The following PCLO variants were observed in gnomAD, a reference collection of about 807,000 sequenced individuals.
The protein encoded by PCLO is protein piccolo.
Under a neutral mutation model 427.5 loss-of-function variants are expected in PCLO, and 82 were observed. The ratio of observed to expected loss-of-function variants is 0.19; its 90% CI spans 0.16 to 0.23. The LOEUF (loss-of-function observed/expected upper bound fraction) is 0.23, where lower values mean the gene tolerates loss of function less well. Among genes scored for constraint, PCLO ranks in the 10% least tolerant of loss-of-function variants. PCLO has a pLI of 1.00. For missense variants in PCLO, 6,239 were observed against 6,115.9 expected (o/e 1.02, Z -0.67); for synonymous variants, 2,357 against 2,155.4 (o/e 1.09, Z -2.59).
chr7:82,801,378 T>G (rs918090912), intron 22 of PCLO, 140 bp downstream of exon 22: 2 of 511,816 alleles, frequency 3.9e-6, no homozygotes, highest in African/African-American at 4.0e-5. Flanking sequence ...TCTCATTTAA[T>G]AGATAATGAT....
chr7:82,844,011 T>C (rs1792436298), intron 13 of PCLO, among the ~76,000 whole-genome samples: 1 of 152,046 alleles, frequency 6.6e-6, no homozygotes, highest in African/African-American at 2.4e-5. Flanking sequence ...AGTATAAACA[T>C]ATACAAGTTT....
intron 6 of PCLO, among the ~76,000 whole-genome samples, chr7:82,937,377 C>T (rs183631037): frequency 2.0e-5 from 3 of 150,806 alleles, no homozygotes; most frequent in African/African-American, 7.3e-5. Context: ...TTGTGCCTCA[C>T]TTTGTATAAA....
intron 6 of PCLO, among the ~76,000 whole-genome samples, chr7:82,940,634 C>A (rs1297500165): frequency 6.6e-6 from 1 of 151,258 alleles, no homozygotes; most frequent in Non-Finnish European, 1.5e-5. Context: ...AGTTATTTAT[C>A]ATTCTTCACA....
intron 22 of PCLO, among the ~76,000 whole-genome samples, chr7:82,788,666 C>T (rs1320426566): frequency 2.0e-5 from 3 of 152,060 alleles, no homozygotes; most frequent in South Asian, 2.1e-4. Context: ...TAATTAAAAA[C>T]GTCAAATCCT....
intron 3 of PCLO, among the ~76,000 whole-genome samples, chr7:83,078,534 T>TATG: frequency 6.6e-6 from 1 of 151,580 alleles, no homozygotes; most frequent in Non-Finnish European, 1.5e-5. Flanking sequence ...TTATTATTAC[T>TATG]ATTATTATTA....
chr7:82,838,321 C>G lies in PCLO; in HGVS notation c.14119G>C (p.Gly4707Arg). 1.3e-6 allele frequency: 2 copies of G among 1,511,860 alleles called. No individual in the cohort carries two copies. The highest frequency in any genetic ancestry group is 4.7e-5 in the East Asian group (2 of 42,770). 93.7% of individuals were successfully genotyped at this position (1,511,860 alleles called of 1,614,324 possible). ...TGGAGAATATGTATTATGAGATTTC[C>G]AAGATCATAGTTAATTTGAAGCTTT... Reference protein sequence around the residue: ...EIQLQINYDLGNLIIHILQAR... With the variant: ...EIQLQINYDLRNLIIHILQAR... Residue 4707 changes from glycine to arginine, a missense_variant, in exon 15 of 25, where the codon GGA becomes CGA. Transcript: ENST00000333891.
intron 10 of PCLO, among the ~76,000 whole-genome samples, chr7:82,877,173 C>T (rs1264376841): frequency 6.6e-6 from 1 of 151,972 alleles, no homozygotes; most frequent in Admixed American, 6.6e-5. Context: ...TTAATAAAGG[C>T]CACCTAGACT....
At chr7:82,780,098 T>C (rs528066372) in intron 22 of PCLO, among the ~76,000 whole-genome samples, 11 of 152,190 alleles carry the variant, frequency 7.2e-5, no homozygotes, top group Non-Finnish European at 1.5e-4. Flanking sequence ...CTACATTTGG[T>C]TGGCAGGAAC....
intron 21 of PCLO, among the ~76,000 whole-genome samples, chr7:82,805,095 TA>T (rs1389592245): frequency 1.3e-5 from 2 of 151,812 alleles, no homozygotes; most frequent in Admixed American, 6.6e-5. Flanking sequence ...ACTTTTTTTT[TA>T]TTTTGAGGCT....
chr7:82,818,796 T>C (rs1791729763), intron 20 of PCLO, among the ~76,000 whole-genome samples: 1 of 152,192 alleles, frequency 6.6e-6, no homozygotes. Flanking sequence ...CCTCATCCAC[T>C]TAATGTGATA....
chr7:83,003,143 A>G (rs1787864413), intron 3 of PCLO, among the ~76,000 whole-genome samples: 1 of 151,374 alleles, frequency 6.6e-6, no homozygotes, highest in South Asian at 2.1e-4. Flanking sequence ...CCATTAACAT[A>G]TACATAGATT....
At chr7:83,075,283 C>T (rs1206298596) in intron 3 of PCLO, among the ~76,000 whole-genome samples, 1 of 152,014 alleles carries the variant, frequency 6.6e-6, no homozygotes, top group African/African-American at 2.4e-5. Flanking sequence ...TTATCTATGA[C>T]AACTTTTAAC....
Position 82,914,837 on chromosome 7 carries a change from T to C in PCLO, c.13149A>G (p.Pro4383=). ...MARAAAGPLP[P]ISADTRDQFG... Reference sequence around the variant, plus strand: ...ACTGATCCCTGGTGTCTGCAGATATTGGTGGCAGGGGTCCAGCTGCAGCCC... The same window carrying C: ...ACTGATCCCTGGTGTCTGCAGATATCGGTGGCAGGGGTCCAGCTGCAGCCC... Residue 4383 remains proline, a synonymous_variant, in exon 7 of 25, where the codon CCA becomes CCG. Transcript: ENST00000333891. The C allele has an allele frequency of 1.2e-6, 2 of 1,613,550 alleles. No individual in the cohort carries two copies. Among genetic ancestry groups the C allele is most frequent in the African/African-American group, 2.7e-5 (2 of 75,028 alleles).
intron 3 of PCLO, among the ~76,000 whole-genome samples, chr7:83,002,835 T>C (rs1440258781): frequency 6.6e-6 from 1 of 151,890 alleles, no homozygotes; most frequent in Non-Finnish European, 1.5e-5. Context: ...ATAATATGTA[T>C]GTGCCAGGTA....
intron 3 of PCLO, among the ~76,000 whole-genome samples, chr7:83,025,988 C>A (rs1389149387): frequency 6.6e-6 from 1 of 151,906 alleles, no homozygotes; most frequent in Admixed American, 6.6e-5. Context: ...CGGTACCAGC[C>A]GCGGCAAAAT....
chr7:82,989,382 T>C (rs948729559), intron 3 of PCLO, among the ~76,000 whole-genome samples: 31 of 152,014 alleles, frequency 2.0e-4, no homozygotes, highest in African/African-American at 7.5e-4. Flanking sequence ...GAAAAGAAAA[T>C]GTTATAATCA....
intron 17 of PCLO, 144 bp downstream of exon 17, chr7:82,827,729 A>G: frequency 2.0e-6 from 1 of 496,670 alleles, no homozygotes; most frequent in Non-Finnish European, 3.5e-6. Flanking sequence ...ATTTTTTTCC[A>G]TTGGCTACAT....
At chr7:82,909,870 A>G (rs1021705905) in intron 7 of PCLO, among the ~76,000 whole-genome samples, 1 of 152,048 alleles carries the variant, frequency 6.6e-6, no homozygotes, top group Non-Finnish European at 1.5e-5. Flanking sequence ...TTATACTCAC[A>G]CTGTGACAAA....
chr7:82,787,473 A>G (rs968485236), intron 22 of PCLO, among the ~76,000 whole-genome samples: 3 of 152,170 alleles, frequency 2.0e-5, no homozygotes, highest in Non-Finnish European at 2.9e-5. Context: ...CCATGCCACA[A>G]TTATTTATTT....
Sources: allele counts gnomAD v4.1 joint callset (sites outside exome capture counted in the v4.1 genomes callset), GRCh38; gene constraint gnomAD v4.1.1; transcripts MANE v1.5; gene names NCBI Gene and HGNC (gene_info 2026-07-23, HGNC 2026-07-21).